The following LUZP2 variants were observed in gnomAD, a reference collection of about 807,000 sequenced individuals.
The protein encoded by LUZP2 is leucine zipper protein 2.
A neutral mutation model predicts 51.6 loss-of-function variants in LUZP2; 52 were observed. That is an observed-to-expected ratio of 1.01 (90% CI 0.81 to 1.27). The LOEUF (loss-of-function observed/expected upper bound fraction) is 1.27. LUZP2 is among the 50% of genes most tolerant of loss of function. The pLI is 0.00. For missense variants in LUZP2, 436 were observed against 395.4 expected (o/e 1.10, Z -0.87); for synonymous variants, 154 against 137.3 (o/e 1.12, Z -0.85).
At chr11:24,679,274 T>G (rs2133865636) in intron 1 of LUZP2, among the ~76,000 whole-genome samples, 1 of 152,316 alleles carries the variant, frequency 6.6e-6, no homozygotes, top group East Asian at 1.9e-4. Flanking sequence ...TTAAAATTTT[T>G]CATGACATGT....
At chr11:24,863,081 G>A (rs1293953852) in intron 5 of LUZP2, among the ~76,000 whole-genome samples, 1 of 152,120 alleles carries the variant, frequency 6.6e-6, no homozygotes, top group Non-Finnish European at 1.5e-5. Context: ...GAGGAAATAG[G>A]AATGTTCATT....
At chr11:25,043,424 C>T (rs576823472) in intron 9 of LUZP2, among the ~76,000 whole-genome samples, 138 of 151,886 alleles carry the variant, frequency 9.1e-4, no homozygotes, top group African/African-American at 3.0e-3. Flanking sequence ...AGATGCCAGA[C>T]GCTACTTCAT....
At chr11:24,659,100 T>C (rs1855920043) in intron 1 of LUZP2, among the ~76,000 whole-genome samples, 1 of 152,220 alleles carries the variant, frequency 6.6e-6, no homozygotes. Flanking sequence ...TAAATCATGC[T>C]GCTATAAAGA....
At chr11:25,030,996 TATATATATATATATATA>T (rs1565255247) in intron 9 of LUZP2, among the ~76,000 whole-genome samples, 85 of 4,086 alleles carry the variant, frequency 0.021, 9 homozygotes, top group East Asian at 0.12. Context: ...CAATATATAT[TATATATATATATATATA>T]TATTTTTTTT....
At chr11:25,039,680 T>C (rs1857979955) in intron 9 of LUZP2, among the ~76,000 whole-genome samples, 1 of 152,174 alleles carries the variant, frequency 6.6e-6, no homozygotes, top group Non-Finnish European at 1.5e-5. Context: ...GCAACTAAGA[T>C]CCTAGAGGTC....
intron 9 of LUZP2, among the ~76,000 whole-genome samples, chr11:25,012,213 A>G (rs1857005294): frequency 6.6e-6 from 1 of 152,178 alleles, no homozygotes; most frequent in Non-Finnish European, 1.5e-5. Context: ...AAAATATAAT[A>G]ACCTCTTAGT....
intron 7 of LUZP2, among the ~76,000 whole-genome samples, chr11:24,964,169 T>G (rs977629363): frequency 6.6e-6 from 1 of 152,160 alleles, no homozygotes; most frequent in Non-Finnish European, 1.5e-5. Context: ...TGCCAATGTT[T>G]GTTAACTGTC....
At chr11:24,779,455 A>G (rs917573796) in intron 5 of LUZP2, among the ~76,000 whole-genome samples, 1 of 152,196 alleles carries the variant, frequency 6.6e-6, no homozygotes, top group African/African-American at 2.4e-5. Flanking sequence ...TGAAATAGAA[A>G]CATCAATACT....
intron 2 of LUZP2, among the ~76,000 whole-genome samples, chr11:24,731,618 GT>G (rs1452200156): frequency 6.6e-6 from 1 of 151,604 alleles, no homozygotes; most frequent in Non-Finnish European, 1.5e-5. Flanking sequence ...ACATGGCCTT[GT>G]TTTTTTGTGT....
chr11:24,968,525 G>A (rs184203524), intron 7 of LUZP2, among the ~76,000 whole-genome samples: 26 of 152,048 alleles, frequency 1.7e-4, no homozygotes, highest in African/African-American at 5.1e-4. Context: ...ATCCTTCTAC[G>A]GTGCTTAACC....
chr11:25,028,606 T>C (rs376031308), intron 9 of LUZP2, among the ~76,000 whole-genome samples: 18 of 152,126 alleles, frequency 1.2e-4, no homozygotes, highest in African/African-American at 4.3e-4. Context: ...TTGAACTCTA[T>C]GTACTATTTT....
At chr11:24,624,554 G>A (rs563917552) in intron 1 of LUZP2, among the ~76,000 whole-genome samples, 1 of 152,160 alleles carries the variant, frequency 6.6e-6, no homozygotes, top group African/African-American at 2.4e-5. Context: ...TCATTGTAAG[G>A]AATGAGGAAG....
intron 1 of LUZP2, among the ~76,000 whole-genome samples, chr11:24,627,764 T>C (rs555769488): frequency 2.0e-5 from 3 of 152,244 alleles, no homozygotes; most frequent in African/African-American, 7.2e-5. Flanking sequence ...TAGAATAAGG[T>C]AGCCTTACAA....
rs149750315 is a variant in LUZP2 at position 25,002,183 on chromosome 11, G to C, written c.765+18890G>C. On this transcript the variant is annotated intron_variant, in intron 9 of 11. Transcript: ENST00000336930. ...AAATGCCACTAGTTCTGCTAACTGG[G>C]TGCTGGTCCCTTGGGGAAGAGGCTT... Among the ~76,000 whole-genome samples, 391 of 152,264 alleles carry C rather than the reference G, an allele frequency of 2.6e-3. 3 individuals are homozygous for C. Among genetic ancestry groups the C allele is most frequent in the Middle Eastern group, 0.02 (6 of 294 alleles).
chr11:24,954,277 A>G (rs1458528754), intron 7 of LUZP2, among the ~76,000 whole-genome samples: 1 of 152,160 alleles, frequency 6.6e-6, no homozygotes, highest in South Asian at 2.1e-4. Flanking sequence ...CTACCTCCCT[A>G]TCTCGCAGGA....
chr11:25,064,749 C>T (rs2121224), intron 10 of LUZP2, among the ~76,000 whole-genome samples: 71,881 of 151,720 alleles, frequency 0.47, 17,739 homozygotes, highest in Non-Finnish European at 0.53. Flanking sequence ...TCCATTTTCC[C>T]AATCTGCTCT....
At chr11:24,545,366 G>A (rs1431022187) in intron 1 of LUZP2, among the ~76,000 whole-genome samples, 1 of 151,858 alleles carries the variant, frequency 6.6e-6, no homozygotes, top group Admixed American at 6.6e-5. Context: ...TTTCCAGAAT[G>A]GTATTGTCTA....
At chr11:24,820,815 G>T (rs553376761) in intron 5 of LUZP2, among the ~76,000 whole-genome samples, 2 of 152,226 alleles carry the variant, frequency 1.3e-5, no homozygotes, top group South Asian at 4.1e-4. Flanking sequence ...AAGGCATAGT[G>T]TAAGAAGAAG....
chr11:25,005,691 C>T (rs937022905), intron 9 of LUZP2, among the ~76,000 whole-genome samples: 10 of 152,104 alleles, frequency 6.6e-5, no homozygotes, highest in Non-Finnish European at 1.3e-4. Context: ...TTGTGCTCAC[C>T]GACGCAGCAG....
Sources: allele counts gnomAD v4.1 joint callset (sites outside exome capture counted in the v4.1 genomes callset), GRCh38; gene constraint gnomAD v4.1.1; transcripts MANE v1.5; gene names NCBI Gene and HGNC (gene_info 2026-07-23, HGNC 2026-07-21).